The following SGPP1 variants were observed in gnomAD, a reference collection of about 807,000 sequenced individuals.
SGPP1 encodes the protein sphingosine-1-phosphate phosphatase 1, also known as hSPP1.
SGPP1 carries 21 observed loss-of-function variants against 33.0 expected under a neutral mutation model. The observed-to-expected ratio is 0.64, with a 90% CI of 0.45 to 0.92. The LOEUF is 0.92. SGPP1 is among the 40% of genes least tolerant of loss of function. The pLI is 0.00. For missense variants in SGPP1, 543 were observed against 589.4 expected (o/e 0.92, Z 0.81); for synonymous variants, 239 against 241.2 (o/e 0.99, Z 0.08).
chr14:63,722,843 G>A (rs1223068434), intron 1 of SGPP1, among the ~76,000 whole-genome samples: 2 of 151,550 alleles, frequency 1.3e-5, no homozygotes, highest in African/African-American at 2.4e-5. Context: ...GTGGTAGTGT[G>A]TGCCTGTGGT....
chr14:63,692,718 T>C (rs1417540615), intron 2 of SGPP1, among the ~76,000 whole-genome samples: 1 of 152,164 alleles, frequency 6.6e-6, no homozygotes, highest in Non-Finnish European at 1.5e-5. Context: ...TCCCAAAGTG[T>C]TGGAATTATA....
chr14:63,716,619 A>G (rs1885632524), intron 1 of SGPP1, among the ~76,000 whole-genome samples: 1 of 151,972 alleles, frequency 6.6e-6, no homozygotes, highest in Admixed American at 6.6e-5. Context: ...CTTAAACCCA[A>G]GAGTTCGAGG....
chr14:63,727,296 T>C lies in SGPP1; in HGVS notation c.649A>G (p.Ile217Val), dbSNP rs1370122219. Reference protein sequence around the residue: ...THAMSGTAIPISMVLLTYGRW... With the variant: ...THAMSGTAIPVSMVLLTYGRW... ...CCATAGGTGAGGAGGACCATAGAAA[T>C]GGGGATGGCGGTGCCGGACATGGCA... Residue 217 changes from isoleucine to valine, a missense_variant, in exon 1 of 3, where the codon ATT (isoleucine) becomes GTT (valine). Ile to Val is a conservative substitution (Grantham distance 29). Coordinates refer to ENST00000247225, the MANE Select transcript of SGPP1 (RefSeq NM_030791.4). 4 of 1,613,216 alleles carry C rather than the reference T, an allele frequency of 2.5e-6. No individual in the cohort carries two copies. The highest frequency in any genetic ancestry group is 2.7e-5 in the African/African-American group (2 of 74,766).
At chr14:63,722,846 C>T (rs980922508) in intron 1 of SGPP1, among the ~76,000 whole-genome samples, 36 of 151,590 alleles carry the variant, frequency 2.4e-4, no homozygotes, top group Non-Finnish European at 1.0e-4. Context: ...GTAGTGTGTG[C>T]CTGTGGTCCC....
intron 1 of SGPP1, among the ~76,000 whole-genome samples, chr14:63,702,933 T>C (rs999793195): frequency 2.0e-5 from 3 of 152,086 alleles, no homozygotes; most frequent in African/African-American, 7.2e-5. Context: ...AATTTATAAA[T>C]TAAACTTTAT....
At chr14:63,697,702 A>G (rs1566819022) in intron 2 of SGPP1, among the ~76,000 whole-genome samples, 1 of 152,216 alleles carries the variant, frequency 6.6e-6, no homozygotes, top group Non-Finnish European at 1.5e-5. Flanking sequence ...TGAGGGGTTA[A>G]GAATATCTAT....
chr14:63,696,464 C>A (rs1421130373), intron 2 of SGPP1, among the ~76,000 whole-genome samples: 1 of 152,084 alleles, frequency 6.6e-6, no homozygotes. Context: ...GTAGTTTTTT[C>A]AGAAGTAGTG....
chr14:63,690,984 G>C (rs1041330018), intron 2 of SGPP1, among the ~76,000 whole-genome samples: 1 of 152,090 alleles, frequency 6.6e-6, no homozygotes, highest in African/African-American at 2.4e-5. Flanking sequence ...CAAAGTGCTG[G>C]GGTTACAGGT....
chr14:63,710,597 T>C (rs1395376432), intron 1 of SGPP1, among the ~76,000 whole-genome samples: 3 of 152,166 alleles, frequency 2.0e-5, no homozygotes, highest in Admixed American at 2.0e-4. Context: ...AACAGAACAG[T>C]CACAGGATCA....
At chr14:63,693,469 T>C (rs757873424) in intron 2 of SGPP1, among the ~76,000 whole-genome samples, 47 of 152,246 alleles carry the variant, frequency 3.1e-4, no homozygotes, top group Non-Finnish European at 5.0e-4. Context: ...ATTCTAAACT[T>C]TGTACTTTTC....
At chr14:63,721,218 G>A (rs1456876126) in intron 1 of SGPP1, among the ~76,000 whole-genome samples, 1 of 152,136 alleles carries the variant, frequency 6.6e-6, no homozygotes, top group African/African-American at 2.4e-5. Context: ...AGGCATGGTG[G>A]TGGGTGAGCC....
chr14:63,689,093 T>G (rs544048218), intron 2 of SGPP1, among the ~76,000 whole-genome samples: 1 of 152,320 alleles, frequency 6.6e-6, no homozygotes, highest in South Asian at 2.1e-4. Flanking sequence ...CTTAAAATTT[T>G]TTATTATATA....
At chr14:63,695,269 G>C (rs1885164157) in intron 2 of SGPP1, among the ~76,000 whole-genome samples, 1 of 152,042 alleles carries the variant, frequency 6.6e-6, no homozygotes, top group Admixed American at 6.6e-5. Flanking sequence ...TGTTAGCCAG[G>C]ATGGTCTCGA....
At chr14:63,689,600 C>A (rs867809440) in intron 2 of SGPP1, among the ~76,000 whole-genome samples, 2 of 151,552 alleles carry the variant, frequency 1.3e-5, no homozygotes, top group African/African-American at 4.8e-5. Flanking sequence ...AGTTCGAGAC[C>A]GGCCTGGCCA....
chr14:63,718,977 CATATATATATATATATATATATATATAT>C, intron 1 of SGPP1, among the ~76,000 whole-genome samples: 1 of 26,968 alleles, frequency 3.7e-5, no homozygotes, highest in South Asian at 2.7e-3. Flanking sequence ...TATGTATATA[CATATATATATATATATATATATATATAT>C]ATATATATAT....
At chr14:63,723,522 C>T (rs1566538490) in intron 1 of SGPP1, among the ~76,000 whole-genome samples, 1 of 151,950 alleles carries the variant, frequency 6.6e-6, no homozygotes, top group Non-Finnish European at 1.5e-5. Context: ...AGATCGAGAC[C>T]ATCCTGGCCA....
At position 63,705,382 on chromosome 14, in the gene SGPP1, T is replaced by C. The variant is rs151157008; in HGVS notation, c.685-6724A>G. Reference sequence around the variant, plus strand: ...AATGGCCAAAAAGCACATGAAAATATGCTCGCCTGGCATGGTGGCTCACAC... The same window carrying C: ...AATGGCCAAAAAGCACATGAAAATACGCTCGCCTGGCATGGTGGCTCACAC... On this transcript the variant is annotated intron_variant, in intron 1 of 2. Transcript: ENST00000247225. 4.5e-3 allele frequency among the ~76,000 whole-genome samples: 682 copies of C among 151,102 alleles called. 5 individuals carry two copies. The highest frequency in any genetic ancestry group is 0.016 in the African/African-American group (651 of 41,116).
In SGPP1 at chr14:63,686,032, G is replaced by A. The variant is rs1312797923; in HGVS notation, c.*73C>T. On this transcript the variant is annotated 3_prime_UTR_variant, in exon 3 of 3. Coordinates refer to ENST00000247225, the MANE Select transcript of SGPP1 (RefSeq NM_030791.4). ...CCTGCAAAAGCCTAATTCTGACCTG[G>A]CTTTACCTGGAATATATTTTTGGGT... is the stretch of plus-strand genomic sequence containing the variant. 5.6e-6 allele frequency: 5 copies of A among 891,006 alleles called. No homozygotes were observed. Among genetic ancestry groups the A allele is most frequent in the Non-Finnish European group, 8.3e-6 (5 of 605,262 alleles). The allele number at this position is 891,006 out of a possible 1,614,324, so 55.2% of individuals were successfully genotyped here. A position where few individuals can be genotyped will look rare whatever the true frequency, so the allele number is the denominator to read the frequency against.
At chr14:63,697,984 G>A (rs1028365077) in intron 2 of SGPP1, among the ~76,000 whole-genome samples, 5 of 152,170 alleles carry the variant, frequency 3.3e-5, no homozygotes, top group Non-Finnish European at 5.9e-5. Flanking sequence ...GAGCTAAGGG[G>A]GTGTCAATAG....
Sources: allele counts gnomAD v4.1 joint callset (sites outside exome capture counted in the v4.1 genomes callset), GRCh38; gene constraint gnomAD v4.1.1; transcripts MANE v1.5; gene names NCBI Gene and HGNC (gene_info 2026-07-23, HGNC 2026-07-21).